SSH2: variants seen among roughly 807,000 people sequenced by gnomAD.
The protein encoded by SSH2 is slingshot protein phosphatase 2, also known as protein phosphatase Slingshot homolog 2.
A neutral mutation model predicts 135.2 loss-of-function variants in SSH2; 37 were observed. The ratio of observed to expected loss-of-function variants is 0.27; its 90% confidence interval spans 0.21 to 0.36. SSH2 has a LOEUF of 0.36. Ranked by LOEUF, SSH2 falls within the 10% of genes least tolerant of loss-of-function variation. SSH2 has a pLI of 1.00. For synonymous variants in SSH2, 628 were observed against 646.2 expected (o/e 0.97, Z 0.43); for missense variants, 1,408 against 1,765.3 (o/e 0.80, Z 3.63).
At chr17:29,809,732 AT>A (rs1246901547) in intron 2 of SSH2, among the ~76,000 whole-genome samples, 3 of 151,688 alleles carry the variant, frequency 2.0e-5, no homozygotes, top group Non-Finnish European at 4.4e-5. Context: ...ATTAAAAAAA[AT>A]TTTTTTTAGA....
intron 14 of SSH2, among the ~76,000 whole-genome samples, chr17:29,641,248 T>C (rs1486124010): frequency 6.6e-6 from 1 of 152,250 alleles, no homozygotes; most frequent in East Asian, 1.9e-4. Flanking sequence ...ACTGTTTTTT[T>C]CCAATGAAGC....
intron 2 of SSH2, among the ~76,000 whole-genome samples, chr17:29,843,346 C>A (rs898437938): frequency 1.3e-5 from 2 of 151,916 alleles, no homozygotes; most frequent in African/African-American, 4.8e-5. Context: ...ACCAGCCTGG[C>A]CAATATGGCG....
intron 3 of SSH2, among the ~76,000 whole-genome samples, chr17:29,715,541 A>G (rs1280445557): frequency 7.9e-5 from 12 of 152,124 alleles, no homozygotes; most frequent in Admixed American, 2.6e-4. Flanking sequence ...CACTGCACCT[A>G]GCCTCCATGT....
At chr17:29,695,606 G>T in intron 4 of SSH2, 83 bp from the exon 5 acceptor site, 1 of 1,197,906 alleles carries the variant, frequency 8.3e-7, no homozygotes, top group Non-Finnish European at 1.2e-6. Context: ...AGTGACTTTT[G>T]TAAAAGAAAG....
chr17:29,691,955 A>G (rs1194154608), intron 5 of SSH2, among the ~76,000 whole-genome samples: 1 of 151,332 alleles, frequency 6.6e-6, no homozygotes, highest in East Asian at 2.0e-4. Flanking sequence ...CCTGGCCAAC[A>G]TGGTGAAAGC....
chr17:29,872,456 C>T (rs2065953962), intron 1 of SSH2, among the ~76,000 whole-genome samples: 1 of 152,104 alleles, frequency 6.6e-6, no homozygotes, highest in South Asian at 2.1e-4. Flanking sequence ...GGAACAATAA[C>T]TAAAGAAGGC....
chr17:29,923,227 C>T (rs2151488493), intron 1 of SSH2, among the ~76,000 whole-genome samples: 1 of 152,130 alleles, frequency 6.6e-6, no homozygotes. Context: ...TGTTTATACC[C>T]TATAATCTAG....
chr17:29,663,751 G>C (rs763010811), intron 11 of SSH2, among the ~76,000 whole-genome samples: 1 of 152,214 alleles, frequency 6.6e-6, no homozygotes, highest in Non-Finnish European at 1.5e-5. Flanking sequence ...TACTCTAATA[G>C]TGAATACAGA....
rs1003362093 is a variant in SSH2, at chr17:29,690,876, C to A, written c.357+4583G>T. 2.8e-4 allele frequency among the ~76,000 whole-genome samples: 42 copies of A among 151,894 alleles called. 2 individuals carry two copies. On this transcript the variant is annotated intron_variant, in intron 5 of 15. Coordinates refer to ENST00000540801, the MANE Select transcript of SSH2 (RefSeq NM_001282129.2). ...CAAAAAGGTATTTCTATTTTTATCA[C>A]ATTTTCGTAGAAACAAAACAATGCT... is the stretch of plus-strand genomic sequence containing the variant.
intron 9 of SSH2, among the ~76,000 whole-genome samples, chr17:29,671,558 A>G (rs1446626411): frequency 1.3e-5 from 2 of 152,250 alleles, no homozygotes; most frequent in African/African-American, 4.8e-5. Flanking sequence ...AGTATTACAA[A>G]CATGACTTTG....
intron 3 of SSH2, among the ~76,000 whole-genome samples, chr17:29,769,751 A>G (rs1018151068): frequency 1.3e-5 from 2 of 152,216 alleles, no homozygotes; most frequent in African/African-American, 4.8e-5. Context: ...TTCTAGGCTT[A>G]TCGAACGTGT....
intron 1 of SSH2, among the ~76,000 whole-genome samples, chr17:29,885,737 A>T (rs2066226099): frequency 6.6e-6 from 1 of 152,090 alleles, no homozygotes; most frequent in African/African-American, 2.4e-5. Context: ...TGAATCATGG[A>T]GGCTGGTTTT....
At chr17:29,674,105 T>C (rs2037608248) in intron 8 of SSH2, 2 of 456,622 alleles carry the variant, frequency 4.4e-6, no homozygotes, top group African/African-American at 4.0e-5. Context: ...CTGCTCCAGT[T>C]CATTCTTCCA....
chr17:29,846,395 G>A (rs1338147088), intron 2 of SSH2, among the ~76,000 whole-genome samples: 4 of 152,134 alleles, frequency 2.6e-5, no homozygotes, highest in Non-Finnish European at 4.4e-5. Context: ...CATCAATGAG[G>A]TTGCCCACTG....
chr17:29,806,233 T>C (rs1025600326), intron 2 of SSH2, among the ~76,000 whole-genome samples: 1 of 152,188 alleles, frequency 6.6e-6, no homozygotes. Flanking sequence ...TATTGTCTCA[T>C]TTGAACCACT....
chr17:29,799,321 G>C (rs1249500839), intron 2 of SSH2, among the ~76,000 whole-genome samples: 1 of 152,140 alleles, frequency 6.6e-6, no homozygotes, highest in Non-Finnish European at 1.5e-5. Context: ...GGGTCATAGA[G>C]TAAATAAAGG....
chr17:29,771,127 C>G (rs1436167937), intron 3 of SSH2, among the ~76,000 whole-genome samples: 1 of 152,190 alleles, frequency 6.6e-6, no homozygotes, highest in African/African-American at 2.4e-5. Flanking sequence ...CGCTGTGACA[C>G]TTTTCTAAGT....
chr17:29,821,404 A>G (rs778192189), intron 2 of SSH2, among the ~76,000 whole-genome samples: 21 of 152,146 alleles, frequency 1.4e-4, no homozygotes, highest in Non-Finnish European at 2.9e-4. Flanking sequence ...GGCATATGCC[A>G]TCACACCCAG....
intron 3 of SSH2, among the ~76,000 whole-genome samples, chr17:29,765,700 T>A (rs1245362909): frequency 1.3e-5 from 2 of 152,118 alleles, no homozygotes; most frequent in Non-Finnish European, 2.9e-5. Flanking sequence ...ACTGAGGTAA[T>A]GTTTACCTCA....
Sources: allele counts gnomAD v4.1 joint callset (sites outside exome capture counted in the v4.1 genomes callset), GRCh38; gene constraint gnomAD v4.1.1; transcripts MANE v1.5; gene names NCBI Gene and HGNC (gene_info 2026-07-23, HGNC 2026-07-21).